Variants in NIPAL2 observed in about 807,000 individuals in gnomAD.
The protein encoded by NIPAL2 is NIPA like domain containing 2.
NIPAL2 carries 43 observed loss-of-function variants against 48.9 expected under a neutral mutation model. That is an observed-to-expected ratio of 0.88 (90% CI 0.69 to 1.13). NIPAL2 has a LOEUF of 1.13. Ranked by LOEUF, NIPAL2 falls within the 50% of genes most tolerant of loss-of-function variation. The pLI is 0.00. For synonymous variants in NIPAL2, 167 were observed against 174.6 expected (o/e 0.96, Z 0.34); for missense variants, 446 against 461.4 (o/e 0.97, Z 0.31).
At chr8:98,257,079 G>A (rs930268146) in intron 1 of NIPAL2, among the ~76,000 whole-genome samples, 1 of 152,106 alleles carries the variant, frequency 6.6e-6, no homozygotes, top group Non-Finnish European at 1.5e-5. Context: ...TAGGCCAAAG[G>A]CATTCCAAAG....
intron 1 of NIPAL2, among the ~76,000 whole-genome samples, chr8:98,278,031 T>C (rs1815582149): frequency 6.6e-6 from 1 of 152,226 alleles, no homozygotes; most frequent in African/African-American, 2.4e-5. Context: ...TCTGCAAATA[T>C]CTTCATCTTT....
At chr8:98,213,107 T>C (rs879832592) in intron 5 of NIPAL2, among the ~76,000 whole-genome samples, 3 of 152,164 alleles carry the variant, frequency 2.0e-5, no homozygotes, top group African/African-American at 7.2e-5. Context: ...TTTAGAGTAA[T>C]ATGACAGGCA....
chr8:98,285,798 G>A (rs1010874248), intron 1 of NIPAL2, among the ~76,000 whole-genome samples: 3 of 151,940 alleles, frequency 2.0e-5, no homozygotes, highest in Non-Finnish European at 4.4e-5. Flanking sequence ...TAGGGAAGCC[G>A]AATTCAAAGA....
intron 3 of NIPAL2, among the ~76,000 whole-genome samples, chr8:98,243,001 G>A (rs1365186988): frequency 6.6e-6 from 1 of 152,190 alleles, no homozygotes; most frequent in African/African-American, 2.4e-5. Context: ...CCCAAAGGGT[G>A]GTTCTGTAGG....
chr8:98,227,442 G>A (rs1487843685), intron 4 of NIPAL2, among the ~76,000 whole-genome samples: 1 of 152,092 alleles, frequency 6.6e-6, no homozygotes, highest in Non-Finnish European at 1.5e-5. Context: ...GATTATTCAG[G>A]GCCCAAATAC....
chr8:98,252,946 G>A (rs998611239), intron 2 of NIPAL2, among the ~76,000 whole-genome samples: 4 of 151,964 alleles, frequency 2.6e-5, no homozygotes, highest in Non-Finnish European at 5.9e-5. Flanking sequence ...ATTTTAAATT[G>A]CATGCTTTTC....
At chr8:98,247,649 A>G (rs540123331) in intron 3 of NIPAL2, among the ~76,000 whole-genome samples, 2 of 152,330 alleles carry the variant, frequency 1.3e-5, no homozygotes, top group South Asian at 4.1e-4. Context: ...GAAATAAAGT[A>G]TTTTGAGAAA....
At chr8:98,249,453 C>T (rs920511792) in intron 3 of NIPAL2, among the ~76,000 whole-genome samples, 6 of 151,498 alleles carry the variant, frequency 4.0e-5, no homozygotes, top group African/African-American at 9.7e-5. Flanking sequence ...CAAATGAGTC[C>T]TATATATGAC....
intron 1 of NIPAL2, among the ~76,000 whole-genome samples, chr8:98,270,394 G>A (rs1438144015): frequency 6.6e-6 from 1 of 152,020 alleles, no homozygotes; most frequent in Non-Finnish European, 1.5e-5. Context: ...GTATGAGATG[G>A]TATCTCATTG....
At chr8:98,282,671 C>A (rs1238653305) in intron 1 of NIPAL2, among the ~76,000 whole-genome samples, 2 of 151,950 alleles carry the variant, frequency 1.3e-5, no homozygotes, top group Non-Finnish European at 2.9e-5. Context: ...GACCCTGTCT[C>A]TAAAAACAAA....
chr8:98,255,189 G>A (rs933196939), intron 1 of NIPAL2, among the ~76,000 whole-genome samples: 4 of 152,118 alleles, frequency 2.6e-5, no homozygotes, highest in Non-Finnish European at 2.9e-5. Flanking sequence ...TAAAAGGTAA[G>A]TTCTTACACG....
At chr8:98,215,948 T>C (rs1447574463) in intron 5 of NIPAL2, among the ~76,000 whole-genome samples, 1 of 152,198 alleles carries the variant, frequency 6.6e-6, no homozygotes, top group East Asian at 1.9e-4. Context: ...CACTGGCAGC[T>C]GAAGGGGTGT....
At chr8:98,245,313 A>G (rs763815112) in intron 3 of NIPAL2, among the ~76,000 whole-genome samples, 1 of 152,252 alleles carries the variant, frequency 6.6e-6, no homozygotes, top group Non-Finnish European at 1.5e-5. Context: ...GTAGAACTTT[A>G]GGAAAAGAGG....
intron 8 of NIPAL2, among the ~76,000 whole-genome samples, chr8:98,197,104 C>A (rs918830390): frequency 8.9e-6 from 1 of 112,800 alleles, no homozygotes; most frequent in Non-Finnish European, 1.9e-5. Context: ...CAATTTTTTT[C>A]TTCAGTAAAG....
chr8:98,282,137 G>A (rs546232903), intron 1 of NIPAL2, among the ~76,000 whole-genome samples: 55 of 152,304 alleles, frequency 3.6e-4, no homozygotes, highest in Non-Finnish European at 7.4e-4. Context: ...AAGCCTCGCA[G>A]GGTGATATCT....
intron 1 of NIPAL2, among the ~76,000 whole-genome samples, chr8:98,283,406 A>G (rs1283074844): frequency 6.6e-6 from 1 of 152,216 alleles, no homozygotes; most frequent in African/African-American, 2.4e-5. Context: ...AGGAAGTCTT[A>G]AACTTGGTTC....
intron 6 of NIPAL2, among the ~76,000 whole-genome samples, chr8:98,210,361 G>T (rs1229923810): frequency 6.6e-6 from 1 of 152,126 alleles, no homozygotes; most frequent in Admixed American, 6.5e-5. Context: ...TTGCACAGCT[G>T]CAGTTTAAGG....
chr8:98,205,318 G>T, intron 6 of NIPAL2, 72 bp from the exon 7 acceptor site: 1 of 1,323,250 alleles, frequency 7.6e-7, no homozygotes. Flanking sequence ...TTAAGCTTAT[G>T]TAGTAGAGTA....
intron 9 of NIPAL2, chr8:98,195,654 C>T (rs1463318709): frequency 6.8e-6 from 2 of 295,338 alleles, no homozygotes; most frequent in African/African-American, 4.6e-5. Flanking sequence ...TGATACAGTA[C>T]AGAAAGGTCG....
Sources: allele counts gnomAD v4.1 joint callset (sites outside exome capture counted in the v4.1 genomes callset), GRCh38; gene constraint gnomAD v4.1.1; transcripts MANE v1.5; gene names NCBI Gene and HGNC (gene_info 2026-07-23, HGNC 2026-07-21).